Variants in ERC2 observed in about 807,000 individuals in gnomAD.
ERC2 encodes the protein ERC protein 2.
In ERC2, 42 loss-of-function variants were observed where a neutral mutation model predicts 114.8. The ratio of observed to expected loss-of-function variants is 0.37; its 90% confidence interval spans 0.29 to 0.47. ERC2 has a LOEUF of 0.47. ERC2 is among the 20% of genes least tolerant of loss of function. The probability of loss-of-function intolerance (pLI) is 0.99; values close to 1 mark genes in which losing one functional copy is unlikely to be tolerated. For synonymous variants in ERC2, 454 were observed against 425.5 expected (o/e 1.07, Z -0.82); for missense variants, 939 against 1,150.7 (o/e 0.82, Z 2.66).
At chr3:56,416,232 G>A (rs1282707682) in intron 2 of ERC2, among the ~76,000 whole-genome samples, 1 of 152,052 alleles carries the variant, frequency 6.6e-6, no homozygotes, top group Non-Finnish European at 1.5e-5. Context: ...ACCTACTAAT[G>A]TCTCTTTATC....
chr3:55,751,115 T>A (rs2066678503), intron 14 of ERC2, among the ~76,000 whole-genome samples: 1 of 152,236 alleles, frequency 6.6e-6, no homozygotes, highest in South Asian at 2.1e-4. Flanking sequence ...AGGGTATGTG[T>A]GAGGAACATC....
At chr3:56,224,445 G>C (rs563931636) in intron 3 of ERC2, among the ~76,000 whole-genome samples, 1 of 143,846 alleles carries the variant, frequency 7.0e-6, no homozygotes, top group Non-Finnish European at 1.6e-5. Context: ...GGTTTTTCAT[G>C]GTGATGGAAA....
Position 56,266,276 on chromosome 3 carries a change from G to A in ERC2, c.1074+29743C>T, listed in dbSNP as rs182056779. On this transcript the variant is annotated intron_variant, in intron 3 of 17. Transcript: ENST00000288221. ...CTACCGAGTAGCTGGGACTACAGGC[G>A]CCCACCACCATGCCCAGCTAATTTT... Among the ~76,000 whole-genome samples the A allele has an allele frequency of 1.2e-3, 175 of 150,558 alleles. 3 individuals carry two copies. The East Asian group carries it at 0.016, about 14-fold the overall frequency.
intron 2 of ERC2, among the ~76,000 whole-genome samples, chr3:56,368,553 T>C (rs1018188760): frequency 6.6e-5 from 10 of 152,180 alleles, no homozygotes; most frequent in Admixed American, 6.5e-5. Context: ...TGGCCAAAAG[T>C]ACTACCATTA....
At position 55,560,260 on chromosome 3, in the gene ERC2, A is replaced by C. The variant is rs527592431; in HGVS notation, c.*40-48984T>G. Among the ~76,000 whole-genome samples, 8 of 152,322 alleles carry C rather than the reference A, an allele frequency of 5.3e-5. No homozygotes were observed. In the South Asian group the frequency reaches 1.5e-3, roughly 28 times the overall value. On this transcript the variant is annotated intron_variant, in intron 17 of 17. Transcript: ENST00000288221. Reference sequence around the variant, plus strand: ...TTAAAAAAACAGGCAGTGGGCTGACATTGGCTCACAGGCCACATTTTGCTG... The same window carrying C: ...TTAAAAAAACAGGCAGTGGGCTGACCTTGGCTCACAGGCCACATTTTGCTG...
chr3:55,910,328 G>A (rs991473015), intron 13 of ERC2, among the ~76,000 whole-genome samples: 3 of 151,456 alleles, frequency 2.0e-5, no homozygotes, highest in East Asian at 1.9e-4. Flanking sequence ...GGAGGTGGAG[G>A]TTGTAGTGAG....
chr3:55,759,613 A>T (rs997467767), intron 14 of ERC2, among the ~76,000 whole-genome samples: 2 of 152,166 alleles, frequency 1.3e-5, no homozygotes, highest in African/African-American at 4.8e-5. Context: ...AAGTATGATG[A>T]AGATTGTTTT....
intron 13 of ERC2, among the ~76,000 whole-genome samples, chr3:55,920,446 A>ACACACACACCCC (rs57638674): frequency 1.4e-5 from 2 of 145,548 alleles, no homozygotes; most frequent in African/African-American, 5.3e-5. Flanking sequence ...ACACACACAC[A>ACACACACACCCC]CCCCAAGTGA....
chr3:55,669,935 G>C (rs1576041572), intron 17 of ERC2, among the ~76,000 whole-genome samples: 1 of 152,194 alleles, frequency 6.6e-6, no homozygotes, highest in East Asian at 1.9e-4. Context: ...TAATTACAGA[G>C]ATATTGACGT....
At chr3:56,442,732 A>G (rs1220782820) in intron 1 of ERC2, among the ~76,000 whole-genome samples, 1 of 152,226 alleles carries the variant, frequency 6.6e-6, no homozygotes, top group African/African-American at 2.4e-5. Flanking sequence ...TGATTTGACA[A>G]CCGAATCCTC....
chr3:55,892,706 A>G (rs931454884), intron 13 of ERC2, among the ~76,000 whole-genome samples: 7 of 152,200 alleles, frequency 4.6e-5, no homozygotes, highest in Non-Finnish European at 7.3e-5. Context: ...ATATTTATGC[A>G]CATATAATTG....
chr3:56,067,699 T>G (rs761759041), intron 7 of ERC2, among the ~76,000 whole-genome samples: 15 of 152,194 alleles, frequency 9.9e-5, no homozygotes, highest in Non-Finnish European at 2.2e-4. Context: ...CTCTTATTAT[T>G]TTGAGATATG....
intron 3 of ERC2, among the ~76,000 whole-genome samples, chr3:56,292,685 C>A (rs2055174101): frequency 6.6e-6 from 1 of 152,038 alleles, no homozygotes; most frequent in Non-Finnish European, 1.5e-5. Context: ...ACACTAGCTT[C>A]ACCATTTGTT....
intron 14 of ERC2, among the ~76,000 whole-genome samples, chr3:55,867,998 T>C (rs2062405667): frequency 6.6e-6 from 1 of 152,216 alleles, no homozygotes; most frequent in Admixed American, 6.5e-5. Context: ...CTACTAGAAT[T>C]TCCGATCATC....
At chr3:56,451,633 C>A (rs1316424257) in intron 1 of ERC2, among the ~76,000 whole-genome samples, 1 of 152,122 alleles carries the variant, frequency 6.6e-6, no homozygotes, top group Non-Finnish European at 1.5e-5. Context: ...TCAGTAAGTG[C>A]AGTAAGTAAA....
chr3:56,125,124 T>C (rs538267705), intron 6 of ERC2, among the ~76,000 whole-genome samples: 1 of 152,208 alleles, frequency 6.6e-6, no homozygotes, highest in East Asian at 1.9e-4. Flanking sequence ...CCATATTGAA[T>C]CTGCTTCAGC....
chr3:55,840,136 C>T (rs1302185003), intron 14 of ERC2, among the ~76,000 whole-genome samples: 2 of 151,748 alleles, frequency 1.3e-5, no homozygotes, highest in African/African-American at 4.8e-5. Context: ...ACCAAGAGGA[C>T]ATAACAATCC....
At chr3:56,442,869 G>C (rs1478548325) in intron 1 of ERC2, among the ~76,000 whole-genome samples, 2 of 152,160 alleles carry the variant, frequency 1.3e-5, no homozygotes, top group Non-Finnish European at 2.9e-5. Flanking sequence ...TGAGACAGAC[G>C]CAGGTTCTGA....
intron 14 of ERC2, among the ~76,000 whole-genome samples, chr3:55,853,342 T>C (rs915657979): frequency 6.6e-6 from 1 of 152,088 alleles, no homozygotes; most frequent in East Asian, 1.9e-4. Context: ...ACCTGGGTAA[T>C]ATAGTGAGAC....
Sources: allele counts gnomAD v4.1 joint callset (sites outside exome capture counted in the v4.1 genomes callset), GRCh38; gene constraint gnomAD v4.1.1; transcripts MANE v1.5; gene names NCBI Gene and HGNC (gene_info 2026-07-23, HGNC 2026-07-21).